The following BFSP1 variants were observed in gnomAD, a reference collection of about 807,000 sequenced individuals.
BFSP1 encodes the protein filensin.
BFSP1 carries 38 observed loss-of-function variants against 43.9 expected under a neutral mutation model. The ratio of observed to expected loss-of-function variants is 0.87; its 90% confidence interval spans 0.67 to 1.14. BFSP1 has a LOEUF of 1.14. Among genes scored for constraint, BFSP1 ranks in the 50% most tolerant of loss-of-function variants. The pLI, the probability that BFSP1 is intolerant of heterozygous loss-of-function variation, is 0.00. For synonymous variants in BFSP1, 352 were observed against 354.8 expected, an observed-to-expected ratio of 0.99 and a Z score of 0.09; for missense variants, 850 against 875.1, an observed-to-expected ratio of 0.97 and a Z score of 0.36.
chr20:17,504,761 T>G (rs1335076857), intron 5 of BFSP1, among the ~76,000 whole-genome samples: 1 of 152,192 alleles, frequency 6.6e-6, no homozygotes, highest in Non-Finnish European at 1.5e-5. Flanking sequence ...GCCTGGACCG[T>G]TAGATTGCCT....
chr20:17,503,912 A>C (rs1447809403), intron 5 of BFSP1, among the ~76,000 whole-genome samples: 1 of 152,186 alleles, frequency 6.6e-6, no homozygotes, highest in Admixed American at 6.5e-5. Flanking sequence ...ATAGAACCAC[A>C]AAGCATCACA....
chr20:17,557,008 G>A (rs1420833135), intron 1 of BFSP1, among the ~76,000 whole-genome samples: 2 of 152,148 alleles, frequency 1.3e-5, no homozygotes, highest in Non-Finnish European at 2.9e-5. Context: ...CTCCCTGGCA[G>A]CCAGCGAGGT....
intron 1 of BFSP1, among the ~76,000 whole-genome samples, chr20:17,548,180 C>CAAAAAAAAAAAAAAAAAAAAA (rs11470598): frequency 5.0e-5 from 6 of 119,842 alleles, no homozygotes; most frequent in Non-Finnish European, 6.7e-5. Context: ...GAAAATAATG[C>CAAAAAAAAAAAAAAAAAAAAA]AAAAAAAAAA....
upstream of BFSP1, among the ~76,000 whole-genome samples, chr20:17,559,394 A>G (rs1452144647): frequency 6.6e-6 from 1 of 152,240 alleles, no homozygotes; most frequent in Non-Finnish European, 1.5e-5. Flanking sequence ...GGCACTCAGT[A>G]TCTCTTCTGT....
chr20:17,524,964 G>T, intron 1 of BFSP1, 56 bp from the exon 2 acceptor site: 1 of 1,451,690 alleles, frequency 6.9e-7, no homozygotes, highest in Non-Finnish European at 9.7e-7. Flanking sequence ...TCACATGTAT[G>T]GATCACATAA....
chr20:17,523,862 AC>A (rs1298738350), intron 2 of BFSP1, among the ~76,000 whole-genome samples: 3 of 152,050 alleles, frequency 2.0e-5, no homozygotes, highest in African/African-American at 7.2e-5. Flanking sequence ...GTAATCCTAG[AC>A]AGCAAAGGCT....
chr20:17,521,576 G>A (rs529931573), intron 2 of BFSP1, among the ~76,000 whole-genome samples: 3 of 152,260 alleles, frequency 2.0e-5, no homozygotes, highest in Non-Finnish European at 4.4e-5. Flanking sequence ...TCACTCACAC[G>A]ACCAGCTGAT....
chr20:17,520,210 G>GCCCCCCCCCCCCCCCCCCCCCCCCCC (rs138070825), intron 2 of BFSP1, among the ~76,000 whole-genome samples: 16 of 133,328 alleles, frequency 1.2e-4, no homozygotes, highest in Admixed American at 1.6e-4. Context: ...GTTTTAACGT[G>GCCCCCCCCCCCCCCCCCCCCCCCCCC]CCCCCCCACC....
chr20:17,504,431 T>A (rs1036462237), intron 5 of BFSP1, among the ~76,000 whole-genome samples: 32 of 152,014 alleles, frequency 2.1e-4, no homozygotes, highest in Admixed American at 1.8e-3. Context: ...TGGCACGGCG[T>A]CCACTGCCAC....
chr20:17,534,913 G>A (rs138745749), upstream of BFSP1, among the ~76,000 whole-genome samples: 421 of 152,106 alleles, frequency 2.8e-3, 3 homozygotes, highest in African/African-American at 9.4e-3. Flanking sequence ...CCAGCTACTC[G>A]GGAGGCTGAG....
At chr20:17,556,712 AGT>A (rs1491157699) in intron 1 of BFSP1, among the ~76,000 whole-genome samples, 1 of 151,428 alleles carries the variant, frequency 6.6e-6, no homozygotes, top group African/African-American at 2.4e-5. Context: ...TTCTACCCAG[AGT>A]TTTTTTTTTA....
chr20:17,553,850 C>CATAT (rs869119570), intron 1 of BFSP1, among the ~76,000 whole-genome samples: 930 of 77,146 alleles, frequency 0.012, 22 homozygotes, highest in African/African-American at 0.049. Context: ...CATATATATA[C>CATAT]ATATATATAC....
At chr20:17,564,573 T>C (rs1410033612) in intron 1 of BFSP1, among the ~76,000 whole-genome samples, 3 of 152,084 alleles carry the variant, frequency 2.0e-5, no homozygotes, top group Non-Finnish European at 4.4e-5. Context: ...CTTTGATTCA[T>C]TTAAACTACT....
chr20:17,530,110 C>G (rs2034502575), intron 1 of BFSP1, among the ~76,000 whole-genome samples: 1 of 152,160 alleles, frequency 6.6e-6, no homozygotes, highest in African/African-American at 2.4e-5. Flanking sequence ...TTCTGGAGTT[C>G]TAGGGTGGGC....
At chr20:17,553,816 C>T (rs2023358) in intron 1 of BFSP1, among the ~76,000 whole-genome samples, 23,384 of 93,938 alleles carry the variant, frequency 0.25, 3,988 homozygotes, top group Non-Finnish European at 0.29. Flanking sequence ...CACACACACA[C>T]ACACACACAT....
At chr20:17,565,686 G>A (rs928416873) in intron 1 of BFSP1, 1 of 152,244 alleles carries the variant, frequency 6.6e-6, no homozygotes, top group Non-Finnish European at 1.5e-5. Context: ...ACTGACATCA[G>A]TGGTTACCTC....
At chr20:17,539,698 C>T (rs2034685913) in intron 1 of BFSP1, among the ~76,000 whole-genome samples, 2 of 151,808 alleles carry the variant, frequency 1.3e-5, no homozygotes, top group Admixed American at 6.6e-5. Flanking sequence ...CCTGGCAGGT[C>T]AAGGCTGCAG....
chr20:17,563,284 T>C (rs2035083268), upstream of BFSP1, among the ~76,000 whole-genome samples: 1 of 152,220 alleles, frequency 6.6e-6, no homozygotes, highest in Non-Finnish European at 1.5e-5. Context: ...GTCAATGAGA[T>C]AAAAGGAGAA....
intron 5 of BFSP1, among the ~76,000 whole-genome samples, chr20:17,505,421 A>G (rs967017556): frequency 6.6e-6 from 1 of 152,194 alleles, no homozygotes; most frequent in African/African-American, 2.4e-5. Context: ...CCTCACCCTG[A>G]CGACCCCTGC....
Sources: allele counts gnomAD v4.1 joint callset (sites outside exome capture counted in the v4.1 genomes callset), GRCh38; gene constraint gnomAD v4.1.1; transcripts MANE v1.5; gene names NCBI Gene and HGNC (gene_info 2026-07-23, HGNC 2026-07-21).